RAPGEF2: variants seen among roughly 807,000 people sequenced by gnomAD.
The protein encoded by RAPGEF2 is PDZ domain containing guanine nucleotide exchange factor (GEF) 1.
RAPGEF2 carries 54 observed loss-of-function variants against 186.7 expected under a neutral mutation model. The ratio of observed to expected loss-of-function variants is 0.29; its 90% CI spans 0.23 to 0.36. The LOEUF is 0.36. Among genes scored for constraint, RAPGEF2 ranks in the 10% least tolerant of loss-of-function variants. The pLI is 1.00. For synonymous variants in RAPGEF2, 712 were observed against 705.9 expected (o/e 1.01, Z -0.14); for missense variants, 1,532 against 2,045.0 (o/e 0.75, Z 4.84).
intron 11 of RAPGEF2, chr4:159,327,657 A>G (rs952277955): frequency 1.3e-4 from 20 of 151,984 alleles, no homozygotes; most frequent in African/African-American, 4.8e-4. Flanking sequence ...ATTCTCTCAA[A>G]AAAAAAAAAA....
At position 159,122,340 on chromosome 4, in the gene RAPGEF2, A is replaced by G. The variant is rs114248285; in HGVS notation, c.69+18109A>G. ...CTAAAAATACAAAAATTAGTAGGGC[A>G]TGGTGGCGCACGCCTATAATCCTAG... On this transcript the variant is annotated intron_variant, in intron 1 of 29. Coordinates refer to ENST00000691494, the MANE Select transcript of RAPGEF2 (RefSeq NM_001394067.2). Among the ~76,000 whole-genome samples the G allele has an allele frequency of 8.5e-3, 1,285 of 152,068 alleles. 23 individuals carry two copies. The highest frequency in any genetic ancestry group is 0.029 in the African/African-American group (1,221 of 41,492).
At chr4:159,132,209 A>G (rs1741190607) in intron 1 of RAPGEF2, among the ~76,000 whole-genome samples, 1 of 152,222 alleles carries the variant, frequency 6.6e-6, no homozygotes, top group Non-Finnish European at 1.5e-5. Flanking sequence ...GAAGTACGTT[A>G]TCTTCAGGTT....
At chr4:159,351,022 TG>T in intron 26 of RAPGEF2, 2 of 1,507,064 alleles carry the variant, frequency 1.3e-6, no homozygotes, top group Non-Finnish European at 1.8e-6. Flanking sequence ...CCTTGTTACA[TG>T]GATGCATCTC....
intron 4 of RAPGEF2, among the ~76,000 whole-genome samples, chr4:159,225,984 A>C (rs1751995051): frequency 6.6e-6 from 1 of 152,156 alleles, no homozygotes; most frequent in African/African-American, 2.4e-5. Flanking sequence ...TTTAATCTTG[A>C]TGAAGTCCAT....
At chr4:159,178,551 C>CTTTTTTTTTTTTTTT (rs71589215) in intron 1 of RAPGEF2, among the ~76,000 whole-genome samples, 2 of 75,470 alleles carry the variant, frequency 2.7e-5, no homozygotes, top group African/African-American at 1.2e-4. Context: ...ATGTATTATG[C>CTTTTTTTTTTTTTTT]TTTTTTTTTT....
At chr4:159,198,188 C>T (rs1319284371) in intron 3 of RAPGEF2, among the ~76,000 whole-genome samples, 2 of 151,770 alleles carry the variant, frequency 1.3e-5, no homozygotes, top group South Asian at 2.1e-4. Flanking sequence ...GCCCCCCACC[C>T]CTACCCCAGG....
intron 1 of RAPGEF2, among the ~76,000 whole-genome samples, chr4:159,129,239 G>A (rs897998274): frequency 6.6e-6 from 1 of 152,020 alleles, no homozygotes; most frequent in South Asian, 2.1e-4. Context: ...ACCATTGAAA[G>A]GTGCAATATT....
At chr4:159,318,344 C>G (rs1433741048) in intron 9 of RAPGEF2, among the ~76,000 whole-genome samples, 1 of 152,146 alleles carries the variant, frequency 6.6e-6, no homozygotes, top group Non-Finnish European at 1.5e-5. Context: ...AAATAGACAA[C>G]CTTTATATAA....
chr4:159,129,280 C>T (rs1384149827), intron 1 of RAPGEF2, among the ~76,000 whole-genome samples: 2 of 152,086 alleles, frequency 1.3e-5, no homozygotes, highest in Non-Finnish European at 2.9e-5. Flanking sequence ...CTCTAGTTAT[C>T]TCTTAAGAGT....
chr4:159,318,496 G>T (rs1041894812), intron 9 of RAPGEF2, among the ~76,000 whole-genome samples: 15 of 152,168 alleles, frequency 9.9e-5, no homozygotes, highest in Middle Eastern at 3.2e-3. Flanking sequence ...TGAATCAAAT[G>T]AAATTGCTAA....
At chr4:159,174,500 A>G (rs1220258952) in intron 1 of RAPGEF2, among the ~76,000 whole-genome samples, 1 of 152,202 alleles carries the variant, frequency 6.6e-6, no homozygotes, top group Non-Finnish European at 1.5e-5. Flanking sequence ...GTTGTAATTT[A>G]CAAGTCTGTT....
At chr4:159,159,690 G>T (rs574740817) in intron 1 of RAPGEF2, among the ~76,000 whole-genome samples, 18 of 152,260 alleles carry the variant, frequency 1.2e-4, no homozygotes, top group Middle Eastern at 3.4e-3. Flanking sequence ...AAATTTTAGT[G>T]ACTTTTTCTC....
At chr4:159,136,203 T>C (rs1449937264) in intron 1 of RAPGEF2, among the ~76,000 whole-genome samples, 2 of 152,236 alleles carry the variant, frequency 1.3e-5, no homozygotes, top group South Asian at 2.1e-4. Flanking sequence ...TTATATGTTA[T>C]GGATACAAGT....
At chr4:159,255,172 G>A (rs1010954727) in intron 7 of RAPGEF2, among the ~76,000 whole-genome samples, 1 of 152,068 alleles carries the variant, frequency 6.6e-6, no homozygotes, top group African/African-American at 2.4e-5. Context: ...CTAGGTTTGT[G>A]CAAGTACACT....
At chr4:159,283,486 A>T (rs1049257729) in intron 7 of RAPGEF2, among the ~76,000 whole-genome samples, 1 of 152,160 alleles carries the variant, frequency 6.6e-6, no homozygotes, top group African/African-American at 2.4e-5. Context: ...GTGTGAATTC[A>T]CTAGAATTTT....
chr4:159,238,721 TTATC>T (rs1335828035), intron 4 of RAPGEF2, 84 bp from the exon 5 acceptor site: 3 of 847,230 alleles, frequency 3.5e-6, no homozygotes, highest in East Asian at 2.9e-5. Flanking sequence ...TAATTTTTAT[TTATC>T]AGGAAGTTTG....
rs1194190709 is a variant in RAPGEF2, at chr4:159,359,976, C to G, written c.*1837C>G. On this transcript the variant is annotated 3_prime_UTR_variant, in exon 30 of 30. Transcript: ENST00000691494. ...TGATTTCCTCATACTTTTGATACTA[C>G]TTGTACCTGTATGTCTTTTAGAAAG... The G allele has an allele frequency of 6.6e-6, 1 of 152,122 alleles. No homozygotes were observed. The highest frequency in any genetic ancestry group is 6.5e-5 in the Admixed American group (1 of 15,268). 9.4% of individuals were successfully genotyped at this position (152,122 alleles called of 1,614,324 possible). A position where few individuals can be genotyped will look rare whatever the true frequency, so the allele number is the denominator to read the frequency against.
chr4:159,110,722 A>T (rs1738400659), intron 1 of RAPGEF2, among the ~76,000 whole-genome samples: 1 of 152,252 alleles, frequency 6.6e-6, no homozygotes, highest in South Asian at 2.1e-4. Context: ...GAACTTATTT[A>T]TATAAAAACT....
At chr4:159,156,051 A>T (rs762550881) in intron 1 of RAPGEF2, among the ~76,000 whole-genome samples, 2 of 152,156 alleles carry the variant, frequency 1.3e-5, no homozygotes, top group South Asian at 4.1e-4. Context: ...TGTACTTGTT[A>T]TGTCTCAATT....
Sources: allele counts gnomAD v4.1 joint callset (sites outside exome capture counted in the v4.1 genomes callset), GRCh38; gene constraint gnomAD v4.1.1; transcripts MANE v1.5; gene names NCBI Gene and HGNC (gene_info 2026-07-23, HGNC 2026-07-21).